SDAD1: variants seen among roughly 807,000 people sequenced by gnomAD.
SDAD1 encodes the protein SDA1 domain containing 1.
A neutral mutation model predicts 100.3 loss-of-function variants in SDAD1; 79 were observed. The ratio of observed to expected loss-of-function variants is 0.79; its 90% CI spans 0.66 to 0.95. The LOEUF (loss-of-function observed/expected upper bound fraction) is 0.95, where lower values mean the gene tolerates loss of function less well. Among genes scored for constraint, SDAD1 ranks in the 40% least tolerant of loss-of-function variants. The pLI, the probability that SDAD1 is intolerant of heterozygous loss-of-function variation, is 0.00. For synonymous variants in SDAD1, 267 were observed against 271.4 expected, an observed-to-expected ratio of 0.98 and a Z score of 0.16; for missense variants, 790 against 810.9, an observed-to-expected ratio of 0.97 and a Z score of 0.31.
intron 12 of SDAD1, among the ~76,000 whole-genome samples, chr4:75,966,058 C>T (rs1029036866): frequency 1.1e-4 from 17 of 151,998 alleles, no homozygotes; most frequent in African/African-American, 4.1e-4. Context: ...GAACCCGTCC[C>T]GACACTCCCT....
chr4:75,965,362 G>A (rs755112701), intron 13 of SDAD1, among the ~76,000 whole-genome samples: 27 of 152,090 alleles, frequency 1.8e-4, no homozygotes, highest in South Asian at 4.1e-4. Context: ...ATGCGTGCCC[G>A]AAACTTCATT....
At chr4:75,954,333 G>A (rs1402413148) in intron 21 of SDAD1, among the ~76,000 whole-genome samples, 1 of 150,958 alleles carries the variant, frequency 6.6e-6, no homozygotes, top group African/African-American at 2.4e-5. Flanking sequence ...AGTGAGCTGA[G>A]ATTGCGCCAC....
rs759581634 is a variant in SDAD1, at chr4:75,971,467, G to A, written c.712-9C>T. ...GCTGTTGGTCCATCATCCTAAAGAA[G>A]AAATTACTTTGTAAAATTGTAAACA... On this transcript the variant is annotated splice_polypyrimidine_tract_variant and intron_variant, in intron 8 of 21. Transcript: ENST00000356260. 1 of 1,588,722 alleles carries A rather than the reference G, an allele frequency of 6.3e-7. No homozygotes were observed. The highest frequency in any genetic ancestry group is 1.1e-5 in the South Asian group (1 of 89,612).
chr4:75,971,574 T>G (rs925756215), intron 8 of SDAD1, 116 bp from the exon 9 acceptor site: 2 of 764,496 alleles, frequency 2.6e-6, no homozygotes, highest in Non-Finnish European at 4.4e-6. Context: ...CTATTAAAAA[T>G]GAATACTACT....
At chr4:75,976,731 TAA>T (rs33920257) in intron 4 of SDAD1, among the ~76,000 whole-genome samples, 2,778 of 145,360 alleles carry the variant, frequency 0.019, 93 homozygotes, top group African/African-American at 0.065. Flanking sequence ...TATATCTCAA[TAA>T]AAGTGTTATT....
intron 20 of SDAD1, 49 bp downstream of exon 20, chr4:75,957,276 A>G (rs1429809513): frequency 6.6e-7 from 1 of 1,512,370 alleles, no homozygotes; most frequent in South Asian, 1.2e-5. Context: ...CTTATGTTTC[A>G]TTTTATTTGC....
intron 21 of SDAD1, among the ~76,000 whole-genome samples, chr4:75,954,298 C>T (rs1047802111): frequency 6.6e-6 from 1 of 151,664 alleles, no homozygotes; most frequent in African/African-American, 2.4e-5. Flanking sequence ...AGGAGAATGC[C>T]GTGAACCCGG....
At chr4:75,987,760 C>A (rs1401343757) in intron 1 of SDAD1, among the ~76,000 whole-genome samples, 1 of 152,140 alleles carries the variant, frequency 6.6e-6, no homozygotes, top group Non-Finnish European at 1.5e-5. Flanking sequence ...CCTTGGCCTC[C>A]CAAAGTGCTG....
At chr4:75,987,507 G>A (rs1449084194) in intron 1 of SDAD1, among the ~76,000 whole-genome samples, 1 of 151,552 alleles carries the variant, frequency 6.6e-6, no homozygotes, top group African/African-American at 2.4e-5. Context: ...ATTTTTTTTT[G>A]TTTTGTTTTT....
chr4:75,977,272 C>T (rs1453466556), intron 4 of SDAD1, among the ~76,000 whole-genome samples: 1 of 152,156 alleles, frequency 6.6e-6, no homozygotes, highest in African/African-American at 2.4e-5. Flanking sequence ...TAGTAAAAGG[C>T]TTGGGTTCTG....
At chr4:75,960,591 C>T (rs1729174342) in intron 16 of SDAD1, among the ~76,000 whole-genome samples, 1 of 152,184 alleles carries the variant, frequency 6.6e-6, no homozygotes, top group African/African-American at 2.4e-5. Context: ...GATCAAGACA[C>T]TGGTAGTTAT....
intron 12 of SDAD1, among the ~76,000 whole-genome samples, 184 bp downstream of exon 12, chr4:75,967,093 G>A (rs1004491945): frequency 2.6e-5 from 4 of 152,302 alleles, no homozygotes; most frequent in Middle Eastern, 6.8e-3. Context: ...AAAAACAATA[G>A]TTTCTTAAAG....
intron 21 of SDAD1, among the ~76,000 whole-genome samples, chr4:75,951,409 A>C (rs796724303): frequency 1.3e-5 from 2 of 152,360 alleles, no homozygotes; most frequent in African/African-American, 4.8e-5. Context: ...TGAAGATATT[A>C]ACTCAGAAAT....
chr4:75,983,305 C>T (rs1730658838), intron 1 of SDAD1, among the ~76,000 whole-genome samples: 1 of 152,152 alleles, frequency 6.6e-6, no homozygotes, highest in Admixed American at 6.6e-5. Context: ...TGGGTATATA[C>T]CCAGTAATGG....
Position 75,961,151 on chromosome 4 carries a change from A to G in SDAD1, c.1280-47T>C, listed in dbSNP as rs902036806. On this transcript the variant is annotated intron_variant, in intron 15 of 21. Coordinates refer to ENST00000356260, the MANE Select transcript of SDAD1 (RefSeq NM_018115.4). ...TAGAAATTCTGGCCCATAGAGTACA[A>G]TGAGGTAAAAAGGAGTCACACTGTA... is the stretch of plus-strand genomic sequence containing the variant. The G allele has an allele frequency of 3.1e-6, 5 of 1,604,044 alleles. No homozygotes were observed. The African/African-American group carries it at 5.4e-5, about 17-fold the overall frequency.
intron 1 of SDAD1, among the ~76,000 whole-genome samples, chr4:75,984,165 T>TAAA (rs149376871): frequency 5.8e-4 from 80 of 139,018 alleles, no homozygotes; most frequent in African/African-American, 2.1e-3. Context: ...TTTGGTACCT[T>TAAA]AAAAAAAAAA....
At chr4:75,979,698 T>C (rs1345617563) in intron 3 of SDAD1, among the ~76,000 whole-genome samples, 1 of 152,046 alleles carries the variant, frequency 6.6e-6, no homozygotes, top group Non-Finnish European at 1.5e-5. Flanking sequence ...CAGGTGATCC[T>C]CCTGCCTCGG....
intron 1 of SDAD1, among the ~76,000 whole-genome samples, chr4:75,984,165 TAAA>T (rs149376871): frequency 7.2e-5 from 10 of 138,988 alleles, no homozygotes; most frequent in Non-Finnish European, 9.4e-5. Flanking sequence ...TTTGGTACCT[TAAA>T]AAAAAAAAAA....
In SDAD1 at chr4:75,950,098, A is replaced by G. The variant is rs889739344; in HGVS notation, c.*652T>C. ...GAGGTCTTAACCAAAAAGCCTTTACATGGCATTCAAAACAAAAACAAAAAC... is the reference window on the plus strand; with the variant it reads ...GAGGTCTTAACCAAAAAGCCTTTACGTGGCATTCAAAACAAAAACAAAAAC... On this transcript the variant is annotated 3_prime_UTR_variant, in exon 22 of 22. Coordinates refer to ENST00000356260, the MANE Select transcript of SDAD1 (RefSeq NM_018115.4). 8.3e-5 allele frequency: 11 copies of G among 132,330 alleles called. No homozygotes were observed. Among genetic ancestry groups the G allele is most frequent in the African/African-American group, 3.1e-4 (11 of 35,714 alleles). 8.2% of individuals were successfully genotyped at this position (132,330 alleles called of 1,614,324 possible). A position where few individuals can be genotyped will look rare whatever the true frequency, so the allele number is the denominator to read the frequency against.
Sources: allele counts gnomAD v4.1 joint callset (sites outside exome capture counted in the v4.1 genomes callset), GRCh38; gene constraint gnomAD v4.1.1; transcripts MANE v1.5; gene names NCBI Gene and HGNC (gene_info 2026-07-23, HGNC 2026-07-21).